TTN: variants seen among roughly 807,000 people sequenced by gnomAD.
The protein encoded by TTN is connectin.
A neutral mutation model predicts 3,223.0 loss-of-function variants in TTN; 1,525 were observed. The ratio of observed to expected loss-of-function variants is 0.47; its 90% CI spans 0.45 to 0.49. TTN has a LOEUF of 0.49. Among genes scored for constraint, TTN ranks in the 20% least tolerant of loss-of-function variants. The probability of loss-of-function intolerance (pLI) is 0.00; values close to 1 mark genes in which losing one functional copy is unlikely to be tolerated. For synonymous variants in TTN, 14,094 were observed against 15,161.0 expected, an observed-to-expected ratio of 0.93 and a Z score of 5.17; for missense variants, 40,786 against 43,424.0, an observed-to-expected ratio of 0.94 and a Z score of 5.40.
rs2075900501 is a variant in TTN, at chr2:178,706,539, CA to C, written c.29334del (p.Glu9779LysfsTer27). 1.9e-6 allele frequency: 3 copies of C among 1,613,724 alleles called. No homozygotes were observed. Among genetic ancestry groups the C allele is most frequent in the Non-Finnish European group, 2.5e-6 (3 of 1,179,822 alleles). On this transcript the variant is annotated frameshift_variant, in exon 102 of 363. Transcript: ENST00000589042. LOFTEE classifies it high-confidence loss of function. ...LYRCVAFNEHGEIESNVNLQV... is the reference protein window; with the variant it reads ...LYRCVAFNEHXEIESNVNLQV... ...TGTAAGTTAACATTACTTTCAATTT[CA>C]CCATGTTCGTTAAATGCCACGCATC...
chr2:178,748,618 A>G lies in TTN; in HGVS notation c.11311+4506T>C, dbSNP rs561298114. On this transcript the variant is annotated intron_variant, in intron 47 of 362. Coordinates refer to ENST00000589042, the MANE Select transcript of TTN (RefSeq NM_001267550.2). Reference sequence around the variant, plus strand: ...AATAAGCTTCTTCTGGTTGACCACTATCTAATTCTTGGAATTTCACATCTG... The same window carrying G: ...AATAAGCTTCTTCTGGTTGACCACTGTCTAATTCTTGGAATTTCACATCTG... 1.4e-5 allele frequency: 23 copies of G among 1,613,042 alleles called. No individual in the cohort carries two copies. The East Asian group carries it at 3.1e-4, about 22-fold the overall frequency.
chr2:178,543,189 G>T lies in TTN; in HGVS notation c.96784C>A (p.His32262Asn), dbSNP rs1376767409. The T allele has an allele frequency of 1.9e-6, 3 of 1,613,716 alleles. No individual in the cohort carries two copies. The highest frequency in any genetic ancestry group is 2.5e-6 in the Non-Finnish European group (3 of 1,179,746). The stretch of plus-strand genomic sequence containing the variant: ...CCTTCATTTAAGGAAGTAACAGTGT[G>T]CTCTAGGACTGTGGGTTTTAAGGTG... ...VVTLKPTVLE[H>N]TVTSLNEGEQ... The change falls in exon 347 of 363, where the codon CAC (histidine) becomes AAC (asparagine). Residue 32262 changes from histidine (H) to asparagine (N), a missense_variant. By Grantham distance (68) the His-to-Asn change is moderately conservative (BLOSUM62 1). Transcript: ENST00000589042.
chr2:178,598,380 T>TA, intron 292 of TTN, 126 bp downstream of exon 292: 2 of 1,196,220 alleles, frequency 1.7e-6, no homozygotes, highest in Non-Finnish European at 2.3e-6. Flanking sequence ...GAATGTGAGT[T>TA]AAAATTATGC....
Position 178,579,795 on chromosome 2 carries a change from A to C in TTN, c.67402T>G (p.Cys22468Gly), listed in dbSNP as rs776356515. 6.2e-7 allele frequency: 1 copy of C among 1,613,362 alleles called. No homozygotes were observed. Among genetic ancestry groups the C allele is most frequent in the Non-Finnish European group, 8.5e-7 (1 of 1,179,510 alleles). Residue 22468 changes from cysteine to glycine, a missense_variant, in exon 319 of 363, where the codon TGT (cysteine) becomes GGT (glycine). Transcript: ENST00000589042. ...TGAGGCTTTTTCCAGCCAATGCTAC[A>C]GGATGACTTAGATACAGACCTCACT... is the stretch of plus-strand genomic sequence containing the variant. Reference protein sequence around the residue: ...LKVRSVSKSSCSIGWKKPHSD... With the variant: ...LKVRSVSKSSGSIGWKKPHSD...
chr2:178,632,651 C>A lies in TTN; in HGVS notation c.43355G>T (p.Arg14452Ile), dbSNP rs528741819. The A allele has an allele frequency of 8.7e-6, 14 of 1,613,476 alleles. No individual in the cohort carries two copies. The Admixed American group carries it at 1.8e-4, about 21-fold the overall frequency. The change falls in exon 235 of 363, where the codon AGA becomes ATA. Residue 14452 changes from arginine to isoleucine, a missense_variant. Coordinates refer to ENST00000589042, the MANE Select transcript of TTN (RefSeq NM_001267550.2). ...KGTQEITGDD[R>I]FELIKDGTKH... ...AGTGCCATCCTTTATAAGCTCAAAT[C>A]TGTCATCACCTGTGATTTCCTGGGT...
In TTN at chr2:178,635,281, G is replaced by A. The variant is rs189799340; in HGVS notation, c.41908C>T (p.Pro13970Ser). 1.8e-5 allele frequency: 29 copies of A among 1,613,176 alleles called. No homozygotes were observed. The East Asian group carries it at 5.8e-4, about 32-fold the overall frequency. The change falls in exon 228 of 363, where the codon CCA (proline) becomes TCA (serine). Residue 13970 changes from proline to serine, a missense_variant. Coordinates refer to ENST00000589042, the MANE Select transcript of TTN (RefSeq NM_001267550.2). ...TCATAAATGGTAACGTCCTCTATTG[G>A]TTTAAGCAGTTCAACTTCACGCTCT... Reference protein sequence around the residue: ...LGEREVELLKPIEDVTIYEKE... With the variant: ...LGEREVELLKSIEDVTIYEKE...
At position 178,712,895 on chromosome 2, in the gene TTN, C is replaced by T. The variant is rs762328648; in HGVS notation, c.27130G>A (p.Gly9044Arg). The T allele has an allele frequency of 4.3e-6, 7 of 1,613,426 alleles. No individual in the cohort carries two copies. Among genetic ancestry groups the T allele is most frequent in the Non-Finnish European group, 5.9e-6 (7 of 1,179,644 alleles). Residue 9044 changes from glycine (G) to arginine (R), a missense_variant, in exon 94 of 363, where the codon GGA becomes AGA. Gly to Arg is a moderately radical substitution (Grantham distance 125). Coordinates refer to ENST00000589042, the MANE Select transcript of TTN (RefSeq NM_001267550.2). ...CAGCTAACACTGAAAGGAGGTGTTC[C>T]TTTTACGATACTTGTGAAAGTTACA... ...TNVTFTSIVKGTPPFSVSWFK... is the reference protein window; with the variant it reads ...TNVTFTSIVKRTPPFSVSWFK...
intron 47 of TTN, 91 bp downstream of exon 47, chr2:178,753,033 T>C: frequency 9.8e-7 from 1 of 1,015,662 alleles, no homozygotes; most frequent in South Asian, 1.5e-5. Flanking sequence ...GTCATTTTTT[T>C]CTCAATAATA....
At chr2:178,619,575 T>G in intron 250 of TTN, 46 bp downstream of exon 250, 1 of 1,593,434 alleles carries the variant, frequency 6.3e-7, no homozygotes, top group Middle Eastern at 1.7e-4. Flanking sequence ...ATCTGAAATC[T>G]AAACTCTGTG....
In TTN at chr2:178,533,464, A is replaced by T. The variant is rs1435527858; in HGVS notation, c.103151T>A (p.Ile34384Asn). 6.2e-7 allele frequency: 1 copy of T among 1,613,608 alleles called. No individual in the cohort carries two copies. The highest frequency in any genetic ancestry group is 8.5e-7 in the Non-Finnish European group (1 of 1,179,584). The change falls in exon 358 of 363, where the codon ATC (isoleucine) becomes AAC (asparagine). Residue 34384 changes from isoleucine (I) to asparagine (N), a missense_variant. Physicochemically the swap from Ile to Asn is moderately radical, Grantham distance 149 (BLOSUM62 -3). Coordinates refer to ENST00000589042, the MANE Select transcript of TTN (RefSeq NM_001267550.2). Reference protein sequence around the residue: ...CQEGQSVCFEIRVSGIPPPTL... With the variant: ...CQEGQSVCFENRVSGIPPPTL... ...TGGTGGGGGGATGCCAGACACTCTG[A>T]TCTCAAAGCAGACACTTTGGCCTTC...
In TTN at chr2:178,712,345, C is replaced by G; in HGVS notation, c.27577G>C (p.Asp9193His). Residue 9193 changes from aspartate (D) to histidine (H), a missense_variant, in exon 95 of 363, where the codon GAT becomes CAT. Asp to His is a moderately conservative substitution (Grantham distance 81, BLOSUM62 -1). Coordinates refer to ENST00000589042, the MANE Select transcript of TTN (RefSeq NM_001267550.2). Reference protein sequence around the residue: ...NCYIENASGKDSCSAQILILE... With the variant: ...NCYIENASGKHSCSAQILILE... ...ATGAGTATTTGTGCTGAACAGGAAT[C>G]TTTTCCAGAGGCATTTTCAATGTAG... The G allele has an allele frequency of 6.2e-7, 1 of 1,613,742 alleles. No individual in the cohort carries two copies.
chr2:178,717,933 A>C lies in TTN; in HGVS notation c.25063+10T>G. 1 of 1,608,120 alleles carries C rather than the reference A, an allele frequency of 6.2e-7. No homozygotes were observed. The highest frequency in any genetic ancestry group is 8.5e-7 in the Non-Finnish European group (1 of 1,175,848). ...CTGTTCACACACACTAGGTTAAACA[A>C]CACCATCACCTTTGATAACAAGCAC... is the stretch of plus-strand genomic sequence containing the variant. On this transcript the variant is annotated intron_variant, in intron 86 of 362. Transcript: ENST00000589042.
rs192086736 is a variant in TTN at position 178,549,031 on chromosome 2, T to C, written c.92595A>G (p.Leu30865=). The C allele has an allele frequency of 6.1e-5, 98 of 1,613,934 alleles. No homozygotes were observed. In the East Asian group the frequency reaches 2.1e-3, roughly 35 times the overall value. ...GYIIEMCKAD[L]GDWHKVNAEA... ...CTGCATTCACCTTGTGCCAGTCTCC[T>C]AAGTCGGCCTTACACATTTCAATAA... The change falls in exon 339 of 363, where the codon TTA becomes TTG. Residue 30865 remains leucine, a synonymous_variant. Transcript: ENST00000589042.
chr2:178,781,931 G>T (rs201436109), intron 20 of TTN, among the ~76,000 whole-genome samples: 24 of 123,282 alleles, frequency 1.9e-4, no homozygotes, highest in East Asian at 7.8e-4. Flanking sequence ...TGTGTGTGTG[G>T]GTGTGTTTGT....
rs373257372 is a variant in TTN at position 178,531,874 on chromosome 2, A to T, written c.104741T>A (p.Met34914Lys). 27 of 1,613,212 alleles carry T rather than the reference A, an allele frequency of 1.7e-5. No individual in the cohort carries two copies. Among genetic ancestry groups the T allele is most frequent in the Non-Finnish European group, 2.2e-5 (26 of 1,179,556 alleles). ...RFDIFSRYES[M>K]KAALKTQKTS... ...CTTCTGAGTTTTTAAAGCAGCTTTCATGGACTCATACCTGGAAAAGATATC... is the reference window on the plus strand; with the variant it reads ...CTTCTGAGTTTTTAAAGCAGCTTTCTTGGACTCATACCTGGAAAAGATATC... Residue 34914 changes from methionine (M) to lysine (K), a missense_variant, in exon 358 of 363, where the codon ATG becomes AAG. Transcript: ENST00000589042.
chr2:178,593,332 C>T lies in TTN; in HGVS notation c.58876G>A (p.Ala19626Thr), dbSNP rs371278320. 3.3e-5 allele frequency: 54 copies of T among 1,613,296 alleles called. No individual in the cohort carries two copies. Among genetic ancestry groups the T allele is most frequent in the Non-Finnish European group, 4.4e-5 (52 of 1,179,568 alleles). ...TGAATAGGATCTTTGGTAACTCTAG[C>T]CCATCGTTTAGACATAGTTTCTCTC... ...EKRETMSKRW[A>T]RVTKDPIHPY... The change falls in exon 299 of 363, where the codon GCT becomes ACT. Residue 19626 changes from alanine (A) to threonine (T), a missense_variant. Ala to Thr is a moderately conservative substitution (Grantham distance 58). Coordinates refer to ENST00000589042, the MANE Select transcript of TTN (RefSeq NM_001267550.2).
rs745979661 is a variant in TTN, at chr2:178,633,044, C to A, written c.43087G>T (p.Asp14363Tyr). 1 of 1,612,520 alleles carries A rather than the reference C, an allele frequency of 6.2e-7. No individual in the cohort carries two copies. ...LKGQPLTASP[D>Y]CEIIEDGKKH... Reference sequence around the variant, plus strand: ...TTTCCATCCTCAATGATTTCACAGTCCTGTTTGGAGTGAGGGTTAGAAGGA... The same window carrying A: ...TTTCCATCCTCAATGATTTCACAGTACTGTTTGGAGTGAGGGTTAGAAGGA... Residue 14363 changes from aspartate (D) to tyrosine (Y), a missense_variant and splice_region_variant, in exon 234 of 363, where the codon GAC (aspartate) becomes TAC (tyrosine). Transcript: ENST00000589042.
At position 178,557,327 on chromosome 2, in the gene TTN, A is replaced by T. The variant is rs1436898678; in HGVS notation, c.87935T>A (p.Val29312Glu). ...AACTCCAGCAGCATTTTCTGCATAC[A>T]CCCTGAATTCATAAATAAGTCCAGC... Reference protein sequence around the residue: ...ISAGLIYEFRVYAENAAGVGK... With the variant: ...ISAGLIYEFREYAENAAGVGK... The change falls in exon 329 of 363, where the codon GTG becomes GAG. Residue 29312 changes from valine (V) to glutamate (E), a missense_variant. By Grantham distance (121) the Val-to-Glu change is moderately radical. Coordinates refer to ENST00000589042, the MANE Select transcript of TTN (RefSeq NM_001267550.2). The T allele has an allele frequency of 6.2e-7, 1 of 1,613,960 alleles. No individual in the cohort carries two copies. The highest frequency in any genetic ancestry group is 8.5e-7 in the Non-Finnish European group (1 of 1,179,864).
Position 178,574,374 on chromosome 2 carries a change from A to G in TTN, c.71758T>C (p.Leu23920=), listed in dbSNP as rs928721755. ...SKPSKPSEPM[L]ALDPIDPPGK... is the part of the protein sequence containing the mutation. ...GGTGGGTCAATGGGATCCAGAGCCA[A>G]CATAGGTTCTGATGGCTTGCTTGGC... The change falls in exon 326 of 363, where the codon TTG becomes CTG. Residue 23920 remains leucine (L), a synonymous_variant. Transcript: ENST00000589042. 1.2e-6 allele frequency: 2 copies of G among 1,613,528 alleles called. No homozygotes were observed. The highest frequency in any genetic ancestry group is 1.3e-5 in the African/African-American group (1 of 74,906).
Sources: gnomAD v4.1 joint callset for allele counts (sites outside exome capture counted in the v4.1 genomes callset) on GRCh38, gnomAD v4.1.1 for gene constraint, MANE v1.5 for transcripts, NCBI Gene and HGNC (gene_info 2026-07-23, HGNC 2026-07-21) for gene names.